Variants in SLC8A1 observed in about 807,000 individuals in gnomAD.
SLC8A1 encodes the protein sodium/calcium exchanger 1.
SLC8A1 carries 18 observed loss-of-function variants against 68.3 expected under a neutral mutation model. The ratio of observed to expected loss-of-function variants is 0.26; its 90% confidence interval spans 0.18 to 0.39. SLC8A1 has a LOEUF of 0.39. Among genes scored for constraint, SLC8A1 ranks in the 10% least tolerant of loss-of-function variants. SLC8A1 has a pLI of 1.00. For missense variants in SLC8A1, 985 were observed against 1,156.7 expected (o/e 0.85, Z 2.15); for synonymous variants, 475 against 415.5 (o/e 1.14, Z -1.74).
chr2:40,305,012 G>T (rs1471405779), intron 2 of SLC8A1, among the ~76,000 whole-genome samples: 1 of 152,160 alleles, frequency 6.6e-6, no homozygotes, highest in Non-Finnish European at 1.5e-5. Flanking sequence ...TTAAAATGAG[G>T]ATTCTGACTC....
At chr2:40,201,851 A>G (rs1000791708) in intron 2 of SLC8A1, among the ~76,000 whole-genome samples, 4 of 151,990 alleles carry the variant, frequency 2.6e-5, no homozygotes, top group Non-Finnish European at 5.9e-5. Context: ...TCAGGAGGTC[A>G]TAACACAAAC....
chr2:40,481,813 T>C lies in SLC8A1; in HGVS notation c.-25+30536A>G, dbSNP rs1000640833. Among the ~76,000 whole-genome samples the C allele has an allele frequency of 2.0e-5, 3 of 152,224 alleles. No homozygotes were observed. The East Asian group carries it at 5.8e-4, about 29-fold the overall frequency. On this transcript the variant is annotated intron_variant, in intron 1 of 7. Transcript: ENST00000402441. Reference sequence around the variant, plus strand: ...TCTGTCTCTTTAACAGTTCAGAACATTCCTTTCCCTGGACAAATTCTGCAA... The same window carrying C: ...TCTGTCTCTTTAACAGTTCAGAACACTCCTTTCCCTGGACAAATTCTGCAA...
At chr2:40,309,812 T>G (rs1349268583) in intron 2 of SLC8A1, among the ~76,000 whole-genome samples, 5 of 152,192 alleles carry the variant, frequency 3.3e-5, no homozygotes, top group Non-Finnish European at 5.9e-5. Flanking sequence ...CCTAACCATT[T>G]TTTATTGATA....
chr2:40,237,510 AT>A (rs1210894643), intron 2 of SLC8A1, among the ~76,000 whole-genome samples: 1 of 151,540 alleles, frequency 6.6e-6, no homozygotes, highest in African/African-American at 2.4e-5. Flanking sequence ...ATTCTTCTAA[AT>A]TTTTTTCAAA....
rs17026067 is a variant in SLC8A1, at chr2:40,480,036, G to A, written c.-25+32313C>T. 7.7e-3 allele frequency among the ~76,000 whole-genome samples: 1,165 copies of A among 152,014 alleles called. 11 individuals are homozygous for A. The highest frequency in any genetic ancestry group is 0.027 in the African/African-American group (1,122 of 41,458). ...TTACTGCAGGATGGGACTAACACAG[G>A]TCAAGAAAAAACTGTAAAACTGGAA... On this transcript the variant is annotated intron_variant, in intron 1 of 7. Transcript: ENST00000402441.
chr2:40,213,136 G>C (rs1003506599), intron 2 of SLC8A1: 5 of 152,178 alleles, frequency 3.3e-5, no homozygotes, highest in Non-Finnish European at 5.9e-5. Flanking sequence ...GATGACTTCA[G>C]AAATGATCAC....
chr2:40,489,969 ACACTG>A (rs938544112), intron 1 of SLC8A1, among the ~76,000 whole-genome samples: 4 of 152,160 alleles, frequency 2.6e-5, no homozygotes, highest in African/African-American at 9.6e-5. Context: ...ACTTGATGAT[ACACTG>A]CTAACATTTT....
exon 8 of SLC8A1, chr2:40,107,349 G>C (rs1362954234): frequency 6.7e-6 from 1 of 149,738 alleles, no homozygotes; most frequent in Non-Finnish European, 1.5e-5. Context: ...TCAGTGCTAT[G>C]TTTGGAGGGA....
At chr2:40,223,497 C>G (rs908056293) in intron 2 of SLC8A1, 1 of 151,914 alleles carries the variant, frequency 6.6e-6, no homozygotes, top group African/African-American at 2.4e-5. Context: ...CACATGTATC[C>G]CAGAACTTAA....
chr2:40,380,280 G>C (rs1230772728), intron 2 of SLC8A1, among the ~76,000 whole-genome samples: 1 of 152,148 alleles, frequency 6.6e-6, no homozygotes, highest in African/African-American at 2.4e-5. Context: ...TATATGCCAA[G>C]CATGCAAGGC....
intron 1 of SLC8A1, among the ~76,000 whole-genome samples, chr2:40,510,434 G>A (rs771666456): frequency 2.8e-4 from 43 of 152,126 alleles, no homozygotes; most frequent in Non-Finnish European, 4.7e-4. Flanking sequence ...AATGCACTTG[G>A]CAGTAGGCAA....
At chr2:40,268,391 T>C (rs1055594790) in intron 2 of SLC8A1, among the ~76,000 whole-genome samples, 7 of 152,148 alleles carry the variant, frequency 4.6e-5, no homozygotes, top group African/African-American at 1.7e-4. Context: ...TTGAACTAGG[T>C]AGAGTTGCCT....
At chr2:40,115,377 A>G in exon 8 of SLC8A1, 1 of 1,614,138 alleles carries the variant, frequency 6.2e-7, no homozygotes, top group Non-Finnish European at 8.5e-7. Context: ...CTCACCTCCG[A>G]TTTCTGGCCT....
chr2:40,315,882 A>G (rs1186831888), intron 2 of SLC8A1, among the ~76,000 whole-genome samples: 1 of 152,078 alleles, frequency 6.6e-6, no homozygotes, highest in Admixed American at 6.6e-5. Context: ...TGCAATGAGA[A>G]CATTTGTCAC....
chr2:40,249,077 A>G (rs770949496), intron 2 of SLC8A1, among the ~76,000 whole-genome samples: 4 of 152,186 alleles, frequency 2.6e-5, no homozygotes, highest in Admixed American at 6.5e-5. Flanking sequence ...TCCTGCTGCA[A>G]TATCTTCTAG....
At chr2:40,215,923 C>T (rs372357025) in intron 2 of SLC8A1, among the ~76,000 whole-genome samples, 19 of 151,662 alleles carry the variant, frequency 1.3e-4, no homozygotes, top group Non-Finnish European at 2.6e-4. Context: ...TACCAAACTC[C>T]TCTGCACTGG....
At chr2:40,116,203 T>C (rs969904241) in intron 7 of SLC8A1, among the ~76,000 whole-genome samples, 2 of 152,316 alleles carry the variant, frequency 1.3e-5, no homozygotes, top group Middle Eastern at 3.4e-3. Context: ...AATAGTGGAA[T>C]TGAAAACAAT....
intron 2 of SLC8A1, among the ~76,000 whole-genome samples, chr2:40,271,612 GAA>G (rs922494192): frequency 6.6e-6 from 1 of 152,144 alleles, no homozygotes; most frequent in African/African-American, 2.4e-5. Context: ...GAATGCAGAA[GAA>G]AAAGTTTCTT....
intron 3 of SLC8A1, 40 bp from the exon 4 acceptor site, chr2:40,175,321 A>G: frequency 1.3e-6 from 2 of 1,596,326 alleles, no homozygotes; most frequent in East Asian, 2.2e-5. Flanking sequence ...AGAATAAGAG[A>G]CCAGATGAAT....
Sources: allele counts gnomAD v4.1 joint callset (sites outside exome capture counted in the v4.1 genomes callset), GRCh38; gene constraint gnomAD v4.1.1; transcripts MANE v1.5; gene names NCBI Gene and HGNC (gene_info 2026-07-23, HGNC 2026-07-21).